DLAT: variants seen among roughly 807,000 people sequenced by gnomAD.
DLAT encodes dihydrolipoyllysine-residue acetyltransferase component of pyruvate dehydrogenase complex, mitochondrial.
Under a neutral mutation model 68.0 loss-of-function variants are expected in DLAT, and 43 were observed. That is an observed-to-expected ratio of 0.63 (90% CI 0.50 to 0.81). The LOEUF is 0.81. Ranked by LOEUF, DLAT falls within the 40% of genes least tolerant of loss-of-function variation. The pLI is 0.00. For synonymous variants in DLAT, 265 were observed against 288.6 expected, an observed-to-expected ratio of 0.92 and a Z score of 0.83; for missense variants, 745 against 815.4, an observed-to-expected ratio of 0.91 and a Z score of 1.05.
chr11:112,060,084 C>G lies in DLAT; in HGVS notation c.1677+19C>G, dbSNP rs1555183033. On this transcript the variant is annotated intron_variant, in intron 12 of 13. Coordinates refer to ENST00000280346, the MANE Select transcript of DLAT (RefSeq NM_001931.5). ...ATTCCAGGTAGGGTATTAATTATTG[C>G]TTTCTAATTATGTTATTTTTAAGGT... 3 of 1,604,134 alleles carry G rather than the reference C, an allele frequency of 1.9e-6. No individual in the cohort carries two copies. In the South Asian group the frequency reaches 3.3e-5, roughly 18 times the overall value.
rs782501980 is a variant in DLAT, at chr11:112,025,646, G to A, written c.174G>A (p.Leu58=). The A allele has an allele frequency of 6.2e-7, 1 of 1,613,284 alleles. No individual in the cohort carries two copies. The highest frequency in any genetic ancestry group is 8.5e-7 in the Non-Finnish European group (1 of 1,179,972). ...CAGGGTATGGCGGGGTCCGGGCACT[G>A]TGCGGCTGGACCCCCAGTTCTGGGG... ...VTTGYGGVRA[L]CGWTPSSGAT... The change falls in exon 1 of 14, where the codon CTG becomes CTA. Residue 58 remains leucine (L), a synonymous_variant. Coordinates refer to ENST00000280346, the MANE Select transcript of DLAT (RefSeq NM_001931.5).
intron 11 of DLAT, among the ~76,000 whole-genome samples, chr11:112,055,561 A>G (rs1213585257): frequency 3.3e-5 from 5 of 151,798 alleles, no homozygotes; most frequent in African/African-American, 1.2e-4. Flanking sequence ...ATATTCAACT[A>G]TTGCTCCTCT....
At chr11:112,038,047 C>T (rs1187292582) in intron 6 of DLAT, among the ~76,000 whole-genome samples, 2 of 152,100 alleles carry the variant, frequency 1.3e-5, no homozygotes, top group Non-Finnish European at 2.9e-5. Flanking sequence ...ATAACTCCAA[C>T]CAGAGATAAC....
rs957806285 is a variant in DLAT, at chr11:112,030,226, T to G, written c.660+1281T>G. 1.2e-5 allele frequency: 7 copies of G among 583,304 alleles called. No individual in the cohort carries two copies. The Admixed American group carries it at 1.4e-4, about 11-fold the overall frequency. 36.1% of individuals were successfully genotyped at this position (583,304 alleles called of 1,614,324 possible). Reference sequence around the variant, plus strand: ...ACCCCATCTTTTCTGAATTCTCTAGTGCAGAACTACCCAAAGTTCTCGGTC... The same window carrying G: ...ACCCCATCTTTTCTGAATTCTCTAGGGCAGAACTACCCAAAGTTCTCGGTC... On this transcript the variant is annotated intron_variant, in intron 4 of 13. Coordinates refer to ENST00000280346, the MANE Select transcript of DLAT (RefSeq NM_001931.5).
intron 6 of DLAT, 33 bp from the exon 7 acceptor site, chr11:112,039,211 G>A (rs782139204): frequency 1.2e-5 from 19 of 1,612,804 alleles, no homozygotes; most frequent in Admixed American, 1.0e-4. Context: ...TTGAAGTGGT[G>A]AATTAAAACA....
In DLAT at chr11:112,062,410, G is replaced by A; in HGVS notation, c.1819G>A (p.Asp607Asn). The change falls in exon 14 of 14, where the codon GAT (aspartate) becomes AAT (asparagine). Residue 607 changes from aspartate (D) to asparagine (N), a missense_variant. Coordinates refer to ENST00000280346, the MANE Select transcript of DLAT (RefSeq NM_001931.5). ...AATGTCTTTATCTTTTTCTAGGTTT[G>A]ATGTGGCTAGCATGATGTCTGTTAC... ...LVPADNEKGFDVASMMSVTLS... is the reference protein window; with the variant it reads ...LVPADNEKGFNVASMMSVTLS... 6.2e-7 allele frequency: 1 copy of A among 1,612,408 alleles called. No homozygotes were observed. The highest frequency in any genetic ancestry group is 8.5e-7 in the Non-Finnish European group (1 of 1,179,978).
chr11:112,044,683 TAAAAC>T (rs1233343254), intron 8 of DLAT, among the ~76,000 whole-genome samples: 10 of 152,034 alleles, frequency 6.6e-5, no homozygotes, highest in African/African-American at 9.7e-5. Flanking sequence ...TTAAAACTCT[TAAAAC>T]AAGCAGAAGT....
intron 5 of DLAT, among the ~76,000 whole-genome samples, 157 bp downstream of exon 5, chr11:112,033,687 T>C (rs1328619619): frequency 6.6e-6 from 1 of 152,228 alleles, no homozygotes; most frequent in African/African-American, 2.4e-5. Flanking sequence ...TATTTAGTTA[T>C]ATGTATTCTT....
At chr11:112,027,080 G>A (rs868918618) in intron 2 of DLAT, among the ~76,000 whole-genome samples, 36 of 148,774 alleles carry the variant, frequency 2.4e-4, no homozygotes, top group African/African-American at 9.0e-4. Context: ...GCTGCCGGGC[G>A]GAGACGCTCC....
intron 7 of DLAT, among the ~76,000 whole-genome samples, chr11:112,041,008 C>T (rs1246372151): frequency 2.0e-5 from 3 of 151,712 alleles, no homozygotes; most frequent in Non-Finnish European, 2.9e-5. Context: ...CTGCTATCTA[C>T]ACATCAGACA....
At chr11:112,028,089 A>C (rs1473062914) in intron 2 of DLAT, among the ~76,000 whole-genome samples, 1 of 152,208 alleles carries the variant, frequency 6.6e-6, no homozygotes, top group Non-Finnish European at 1.5e-5. Context: ...ATGTTAGACA[A>C]GATTGGTTGG....
chr11:112,055,049 T>G lies in DLAT; in HGVS notation c.1514+3700T>G, dbSNP rs1863922935. Among the ~76,000 whole-genome samples, 3 of 152,086 alleles carry G rather than the reference T, an allele frequency of 2.0e-5. No homozygotes were observed. In the South Asian group the frequency reaches 6.2e-4, roughly 32 times the overall value. ...GACCTTTTTCCAAATAAGGTCACATTGATAGGTTCCAGGGATTAGGACAAA... is the reference window on the plus strand; with the variant it reads ...GACCTTTTTCCAAATAAGGTCACATGGATAGGTTCCAGGGATTAGGACAAA... On this transcript the variant is annotated intron_variant, in intron 11 of 13. Coordinates refer to ENST00000280346, the MANE Select transcript of DLAT (RefSeq NM_001931.5).
intron 12 of DLAT, among the ~76,000 whole-genome samples, chr11:112,060,520 T>G (rs1223846852): frequency 6.6e-6 from 1 of 152,074 alleles, no homozygotes; most frequent in African/African-American, 2.4e-5. Flanking sequence ...AATGGTGCAA[T>G]CTTGGCTCAC....
chr11:112,055,152 C>T (rs1863929307), intron 11 of DLAT, among the ~76,000 whole-genome samples: 1 of 151,666 alleles, frequency 6.6e-6, no homozygotes, highest in South Asian at 2.1e-4. Flanking sequence ...ATTCATACTA[C>T]TGACTCGTGG....
At chr11:112,040,522 C>T (rs587662593) in intron 7 of DLAT, among the ~76,000 whole-genome samples, 5 of 152,174 alleles carry the variant, frequency 3.3e-5, no homozygotes, top group African/African-American at 1.2e-4. Flanking sequence ...GAAAAATATG[C>T]TTATTTCCCC....
chr11:112,035,767 C>T (rs1366211982), intron 5 of DLAT, among the ~76,000 whole-genome samples: 26 of 139,290 alleles, frequency 1.9e-4, no homozygotes, highest in African/African-American at 5.8e-4. Context: ...GGATTACAGG[C>T]GTGAGCCACC....
chr11:112,027,915 G>GGGAGAGGGAGAGGGAGAC (rs1555179562), intron 2 of DLAT, among the ~76,000 whole-genome samples: 2 of 133,774 alleles, frequency 1.5e-5, no homozygotes, highest in Admixed American at 7.4e-5. Flanking sequence ...GGAGACCGTG[G>GGGAGAGGGAGAGGGAGAC]GGAGAGGGAG....
intron 11 of DLAT, among the ~76,000 whole-genome samples, chr11:112,054,414 A>T (rs1277879709): frequency 1.3e-5 from 2 of 152,178 alleles, no homozygotes; most frequent in Non-Finnish European, 2.9e-5. Flanking sequence ...AATGCCTGTG[A>T]CAGTGATTGT....
chr11:112,045,977 G>C lies in DLAT; in HGVS notation c.1398+7G>C. 6.5e-7 allele frequency: 1 copy of C among 1,535,392 alleles called. No homozygotes were observed. The highest frequency in any genetic ancestry group is 1.4e-5 in the African/African-American group (1 of 73,720). The stretch of plus-strand genomic sequence containing the variant: ...ACGGAAAGAACTTAATAAGGTAAAA[G>C]TTCTGAAAATTCCAACTTTCTAAGT... On this transcript the variant is annotated splice_region_variant and intron_variant, in intron 10 of 13. Coordinates refer to ENST00000280346, the MANE Select transcript of DLAT (RefSeq NM_001931.5).
Sources: gnomAD v4.1 joint callset for allele counts (sites outside exome capture counted in the v4.1 genomes callset) on GRCh38, gnomAD v4.1.1 for gene constraint, MANE v1.5 for transcripts, NCBI Gene and HGNC (gene_info 2026-07-23, HGNC 2026-07-21) for gene names.